The following TUFT1 variants were observed in gnomAD, a reference collection of about 807,000 sequenced individuals.
The protein encoded by TUFT1 is tuftelin 1, also known as tuftelin.
In TUFT1, 43 loss-of-function variants were observed where a neutral mutation model predicts 57.8. The observed-to-expected ratio is 0.74, with a 90% confidence interval of 0.58 to 0.96. The LOEUF (loss-of-function observed/expected upper bound fraction) is 0.96, where lower values mean the gene tolerates loss of function less well. TUFT1 is among the 40% of genes least tolerant of loss of function. The pLI is 0.00. For missense variants in TUFT1, 459 were observed against 489.0 expected (o/e 0.94, Z 0.58); for synonymous variants, 166 against 176.7 (o/e 0.94, Z 0.48).
Position 151,563,912 on chromosome 1 carries a change from G to T in TUFT1, c.246G>T (p.Leu82Phe), listed in dbSNP as rs771069835. The T allele has an allele frequency of 1.2e-6, 2 of 1,614,082 alleles. No homozygotes were observed. Among genetic ancestry groups the T allele is most frequent in the Non-Finnish European group, 1.7e-6 (2 of 1,179,970 alleles). Residue 82 changes from leucine (L) to phenylalanine (F), a missense_variant, in exon 4 of 13, where the codon TTG becomes TTT. By Grantham distance (22) the Leu-to-Phe change is conservative. Transcript: ENST00000368849. ...TGGTGTTCTTATTTCAGGTGTACTT[G>T]AAGGGGAGGTCTGGAGACAAGATGA... ...DGHEEIIKVY[L>F]KGRSGDKMIH...
chr1:151,561,619 GA>G, intron 1 of TUFT1: 4 of 1,187,954 alleles, frequency 3.4e-6, no homozygotes, highest in Non-Finnish European at 4.3e-6. Context: ...GTGGCTCATA[GA>G]AATGGGAGTT....
At chr1:151,580,875 A>T (rs558466746) in intron 11 of TUFT1, 67 bp from the exon 12 acceptor site, 1 of 1,400,846 alleles carries the variant, frequency 7.1e-7, no homozygotes. Context: ...ACCAGAATGC[A>T]CTAGCTGAAC....
rs572101129 is a variant in TUFT1 at position 151,552,435 on chromosome 1, G to A, written c.61-9656G>A. On this transcript the variant is annotated intron_variant, in intron 1 of 12. Coordinates refer to ENST00000368849, the MANE Select transcript of TUFT1 (RefSeq NM_020127.3). ...ATAGGGAAAAAGGCCCGGGCGCGGT[G>A]GCTCACGCCTTTAATCCCAGCACTT... Among the ~76,000 whole-genome samples, 3 of 152,272 alleles carry A rather than the reference G, an allele frequency of 2.0e-5. No homozygotes were observed. In the South Asian group the frequency reaches 6.2e-4, roughly 32 times the overall value.
chr1:151,551,075 A>G (rs912804558), intron 1 of TUFT1, among the ~76,000 whole-genome samples: 2 of 152,238 alleles, frequency 1.3e-5, no homozygotes, highest in Non-Finnish European at 2.9e-5. Flanking sequence ...AAATCCCCCC[A>G]AAATAGCTCA....
intron 4 of TUFT1, 53 bp from the exon 5 acceptor site, chr1:151,564,472 G>T: frequency 7.2e-7 from 1 of 1,390,162 alleles, no homozygotes; most frequent in Non-Finnish European, 1.0e-6. Context: ...GGGTGAGTTG[G>T]CATGCTCTCT....
chr1:151,561,574 A>G (rs1665896169), intron 1 of TUFT1: 3 of 1,185,934 alleles, frequency 2.5e-6, no homozygotes, highest in Non-Finnish European at 3.2e-6. Flanking sequence ...ATGAATACCT[A>G]TTATCTTGCC....
chr1:151,581,667 G>T lies in TUFT1; in HGVS notation c.1133G>T (p.Ser378Ile), dbSNP rs763435581. 11 of 1,614,012 alleles carry T rather than the reference G, an allele frequency of 6.8e-6. No individual in the cohort carries two copies. Among genetic ancestry groups the T allele is most frequent in the Non-Finnish European group, 7.6e-6 (9 of 1,180,026 alleles). ...PGSIRISKPP[S>I]PKPMPVIRVV... ...AGTATTAGGATATCCAAGCCGCCTA[G>T]CCCGAAGCCCATGCCTGTCATCCGA... Residue 378 changes from serine (S) to isoleucine (I), a missense_variant, in exon 13 of 13, where the codon AGC becomes ATC. Ser to Ile is a moderately radical substitution (Grantham distance 142). Transcript: ENST00000368849.
chr1:151,554,247 A>G (rs1665600337), intron 1 of TUFT1, among the ~76,000 whole-genome samples: 1 of 152,098 alleles, frequency 6.6e-6, no homozygotes, highest in Admixed American at 6.6e-5. Flanking sequence ...TTTTTCCACT[A>G]ATATCTTTTT....
At chr1:151,574,863 A>G in intron 8 of TUFT1, 48 bp from the exon 9 acceptor site, 1 of 1,506,552 alleles carries the variant, frequency 6.6e-7, no homozygotes, top group South Asian at 1.2e-5. Context: ...CAAACGCAGA[A>G]ACTGTTGCCA....
chr1:151,574,860 A>C, intron 8 of TUFT1, 51 bp from the exon 9 acceptor site: 3 of 1,497,654 alleles, frequency 2.0e-6, no homozygotes, highest in Non-Finnish European at 2.7e-6. Context: ...GCCCAAACGC[A>C]GAAACTGTTG....
Position 151,574,272 on chromosome 1 carries a change from C to A in TUFT1, c.597C>A (p.Val199=). The A allele has an allele frequency of 1.2e-6, 2 of 1,613,158 alleles. No homozygotes were observed. The highest frequency in any genetic ancestry group is 1.1e-5 in the South Asian group (1 of 90,912). The change falls in exon 8 of 13, where the codon GTC becomes GTA. Residue 199 remains valine, a splice_region_variant and synonymous_variant. Transcript: ENST00000368849. ...QHQSDCVAFE[V]TLSRYQREAE... Reference sequence around the variant, plus strand: ...CATATTCCTGCTCCGTGTTTTAGGTCACACTCAGCCGGTACCAGAGGGAAG... The same window carrying A: ...CATATTCCTGCTCCGTGTTTTAGGTAACACTCAGCCGGTACCAGAGGGAAG...
At chr1:151,545,639 C>T (rs1223526752) in intron 1 of TUFT1, among the ~76,000 whole-genome samples, 1 of 152,184 alleles carries the variant, frequency 6.6e-6, no homozygotes, top group African/African-American at 2.4e-5. Flanking sequence ...GAGGAAGAGT[C>T]TGGGAACTCT....
chr1:151,548,305 C>CTTTTTTTTTTTTTTTTTTT (rs11435666), intron 1 of TUFT1, among the ~76,000 whole-genome samples: 2 of 130,582 alleles, frequency 1.5e-5, no homozygotes, highest in Non-Finnish European at 3.2e-5. Context: ...TTTTTCTTTT[C>CTTTTTTTTTTTTTTTTTTT]TTTTTTTTTT....
intron 1 of TUFT1, 106 bp from the exon 2 acceptor site, chr1:151,561,978 TGATGATA>T (rs937800217): frequency 1.4e-6 from 2 of 1,468,664 alleles, no homozygotes; most frequent in Admixed American, 3.6e-5. Context: ...TGTGAAGTGG[TGATGATA>T]AGACCCGCTC....
intron 1 of TUFT1, among the ~76,000 whole-genome samples, chr1:151,541,991 T>G (rs1665182814): frequency 6.6e-6 from 1 of 152,180 alleles, no homozygotes; most frequent in Admixed American, 6.5e-5. Context: ...GGACTTCAGA[T>G]GCACACCACC....
chr1:151,549,156 C>G (rs1665434088), intron 1 of TUFT1, among the ~76,000 whole-genome samples: 2 of 152,134 alleles, frequency 1.3e-5, no homozygotes, highest in African/African-American at 4.8e-5. Flanking sequence ...TCCTTTTTCC[C>G]TAGAGAAGAA....
chr1:151,560,852 T>A (rs1665861138), intron 1 of TUFT1, among the ~76,000 whole-genome samples: 1 of 152,204 alleles, frequency 6.6e-6, no homozygotes. Flanking sequence ...TTACTCTGCC[T>A]TGTTAGCCTT....
chr1:151,563,164 C>T (rs922795676), intron 3 of TUFT1, among the ~76,000 whole-genome samples: 14 of 152,234 alleles, frequency 9.2e-5, no homozygotes, highest in East Asian at 3.9e-4. Context: ...GTATTATAGG[C>T]GTGCACCAGC....
Position 151,582,932 on chromosome 1 carries a change from TTTA to T in TUFT1, c.*1228_*1230del, listed in dbSNP as rs1299544681. On this transcript the variant is annotated 3_prime_UTR_variant, in exon 13 of 13. Transcript: ENST00000368849. Reference sequence around the variant, plus strand: ...CTGCAGGTCATCATGGTTTTCTTTTTTTATTGTTTTTTTTTTTTTCTGAGACAG... The same window carrying T: ...CTGCAGGTCATCATGGTTTTCTTTTTTTGTTTTTTTTTTTTTCTGAGACAG... 1.3e-5 allele frequency: 2 copies of T among 151,860 alleles called. No individual in the cohort carries two copies. Among genetic ancestry groups the T allele is most frequent in the Admixed American group, 6.6e-5 (1 of 15,264 alleles). 9.4% of individuals were successfully genotyped at this position (151,860 alleles called of 1,614,324 possible).
Sources: gnomAD v4.1 joint callset for allele counts (sites outside exome capture counted in the v4.1 genomes callset) on GRCh38, gnomAD v4.1.1 for gene constraint, MANE v1.5 for transcripts, NCBI Gene and HGNC (gene_info 2026-07-23, HGNC 2026-07-21) for gene names.